RAB12: variants seen among roughly 807,000 people sequenced by gnomAD.
The protein encoded by RAB12 is RAB12, member RAS oncogene family, also known as ras-related protein Rab-12.
Under a neutral mutation model 28.4 loss-of-function variants are expected in RAB12, and 11 were observed. That is an observed-to-expected ratio of 0.39 (90% CI 0.24 to 0.64). The LOEUF (loss-of-function observed/expected upper bound fraction) is 0.64. Ranked by LOEUF, RAB12 falls within the 30% of genes least tolerant of loss-of-function variation. The probability of loss-of-function intolerance (pLI) is 0.50; values close to 1 mark genes in which losing one functional copy is unlikely to be tolerated. For missense variants in RAB12, 276 were observed against 351.1 expected (o/e 0.79, Z 1.71); for synonymous variants, 138 against 145.3 (o/e 0.95, Z 0.36).
At chr18:8,631,755 G>A (rs1598313311) in intron 2 of RAB12, among the ~76,000 whole-genome samples, 1 of 152,262 alleles carries the variant, frequency 6.6e-6, no homozygotes, top group Non-Finnish European at 1.5e-5. Flanking sequence ...GTACCCTTAT[G>A]ATTTATTCTA....
intron 1 of RAB12, among the ~76,000 whole-genome samples, chr18:8,616,501 G>T (rs2096006729): frequency 6.6e-6 from 1 of 151,892 alleles, no homozygotes; most frequent in South Asian, 2.1e-4. Context: ...TTGGTTTCTG[G>T]TGCCTAGTTA....
chr18:8,620,535 A>G (rs924621786), intron 1 of RAB12, among the ~76,000 whole-genome samples: 8 of 150,920 alleles, frequency 5.3e-5, no homozygotes, highest in Admixed American at 3.3e-4. Context: ...CACTGCTTCC[A>G]TTCCACACCT....
chr18:8,620,025 T>C (rs2096008872), intron 1 of RAB12, among the ~76,000 whole-genome samples: 1 of 151,802 alleles, frequency 6.6e-6, no homozygotes, highest in African/African-American at 2.4e-5. Context: ...ACTCAGGTAC[T>C]CGGGAGGCTG....
At chr18:8,620,139 C>CTTCTTTTTT (rs2096009003) in intron 1 of RAB12, among the ~76,000 whole-genome samples, 1 of 53,954 alleles carries the variant, frequency 1.9e-5, no homozygotes, top group African/African-American at 7.9e-5. Flanking sequence ...TTTTCTTCTT[C>CTTCTTTTTT]TTTTTTTTTT....
chr18:8,632,214 G>T (rs555967450), intron 2 of RAB12, among the ~76,000 whole-genome samples: 1 of 149,904 alleles, frequency 6.7e-6, no homozygotes, highest in African/African-American at 2.5e-5. Context: ...GGAGGCAGAG[G>T]TTGCAGTGAA....
At chr18:8,637,316 G>A (rs943217493) in intron 5 of RAB12, among the ~76,000 whole-genome samples, 1 of 151,578 alleles carries the variant, frequency 6.6e-6, no homozygotes, top group Admixed American at 6.6e-5. Context: ...TGCCAAGGTA[G>A]GTTATGTCTG....
intron 1 of RAB12, among the ~76,000 whole-genome samples, chr18:8,610,299 T>A (rs574080387): frequency 2.6e-5 from 4 of 151,886 alleles, no homozygotes; most frequent in Non-Finnish European, 5.9e-5. Context: ...GGCAGGGGAG[T>A]GAACGCCTAA....
At chr18:8,610,072 A>T in intron 1 of RAB12, 119 bp downstream of exon 1, 1 of 727,802 alleles carries the variant, frequency 1.4e-6, no homozygotes, top group African/African-American at 1.9e-5. Flanking sequence ...CCTCTCGGTG[A>T]AACTAGGGGC....
intron 3 of RAB12, among the ~76,000 whole-genome samples, chr18:8,634,943 T>A (rs2096018043): frequency 6.6e-6 from 1 of 152,220 alleles, no homozygotes; most frequent in Non-Finnish European, 1.5e-5. Context: ...CTTAACTTTT[T>A]TCCTGGTTAT....
At chr18:8,618,858 C>G (rs988687581) in intron 1 of RAB12, among the ~76,000 whole-genome samples, 4 of 152,154 alleles carry the variant, frequency 2.6e-5, no homozygotes, top group Non-Finnish European at 5.9e-5. Flanking sequence ...TTGAACTCTT[C>G]CCCGGTAGGT....
At chr18:8,626,688 T>C (rs1207019837) in intron 2 of RAB12, among the ~76,000 whole-genome samples, 1 of 152,246 alleles carries the variant, frequency 6.6e-6, no homozygotes, top group Non-Finnish European at 1.5e-5. Context: ...TGAGATACTG[T>C]GGCTCCACGA....
Position 8,638,202 on chromosome 18 carries a change from A to G in RAB12, c.963A>G (p.Gln321=), listed in dbSNP as rs1404989402. 3 of 1,614,036 alleles carry G rather than the reference A, an allele frequency of 1.9e-6. No homozygotes were observed. The highest frequency in any genetic ancestry group is 1.6e-4 in the Middle Eastern group (1 of 6,062). Reference sequence around the variant, plus strand: ...TGTCCAATAGTATCCTGTCGTTACAACCAGAGCCTGAGATACCGCCAGAAC... The same window carrying G: ...TGTCCAATAGTATCCTGTCGTTACAGCCAGAGCCTGAGATACCGCCAGAAC... ...NELSNSILSL[Q]PEPEIPPELP... is the part of the protein sequence containing the mutation. The change falls in exon 6 of 6, where the codon CAA becomes CAG. Residue 321 remains glutamine, a synonymous_variant. Transcript: ENST00000649141.
intron 1 of RAB12, 69 bp downstream of exon 1, chr18:8,610,022 C>T: frequency 1.6e-6 from 2 of 1,232,800 alleles, no homozygotes; most frequent in African/African-American, 1.5e-5. Context: ...GCCCCGTGGG[C>T]TTCGAGTCTC....
chr18:8,620,143 T>C (rs1377497713), intron 1 of RAB12, among the ~76,000 whole-genome samples: 20 of 83,194 alleles, frequency 2.4e-4, no homozygotes, highest in African/African-American at 9.7e-4. Context: ...CTTCTTCTTT[T>C]TTTTTTTTTT....
At chr18:8,615,111 G>A (rs2096006033) in intron 1 of RAB12, among the ~76,000 whole-genome samples, 1 of 152,200 alleles carries the variant, frequency 6.6e-6, no homozygotes, top group African/African-American at 2.4e-5. Flanking sequence ...TTACGCTGGG[G>A]AAGTAGGGTA....
chr18:8,627,928 A>G (rs1458069370), intron 2 of RAB12, among the ~76,000 whole-genome samples: 1 of 152,252 alleles, frequency 6.6e-6, no homozygotes, highest in Non-Finnish European at 1.5e-5. Context: ...TATATTAAAT[A>G]CAGCAAATAA....
intron 3 of RAB12, 38 bp from the exon 4 acceptor site, chr18:8,635,495 C>A (rs1318226913): frequency 4.2e-6 from 6 of 1,443,438 alleles, no homozygotes; most frequent in Non-Finnish European, 5.8e-6. Context: ...TATGGCGATG[C>A]CCATCTTTGA....
At chr18:8,618,226 G>A (rs540915558) in intron 1 of RAB12, among the ~76,000 whole-genome samples, 2 of 152,218 alleles carry the variant, frequency 1.3e-5, no homozygotes, top group Admixed American at 1.3e-4. Flanking sequence ...TTATTTGCTG[G>A]GTGGGAGCGT....
intron 1 of RAB12, among the ~76,000 whole-genome samples, chr18:8,614,520 A>AAAAAAAAAAAG (rs1567892288): frequency 4.7e-5 from 6 of 127,642 alleles, no homozygotes; most frequent in African/African-American, 9.2e-5. Flanking sequence ...AAAAAAAAAG[A>AAAAAAAAAAAG]AAAAAAAAAG....
Sources: gnomAD v4.1 joint callset for allele counts (sites outside exome capture counted in the v4.1 genomes callset) on GRCh38, gnomAD v4.1.1 for gene constraint, MANE v1.5 for transcripts, NCBI Gene and HGNC (gene_info 2026-07-23, HGNC 2026-07-21) for gene names.